ARHGAP32: variants seen among roughly 807,000 people sequenced by gnomAD.
The protein encoded by ARHGAP32 is Rho GTPase activating protein 32, also known as rho GTPase-activating protein 32.
In ARHGAP32, 51 loss-of-function variants were observed where a neutral mutation model predicts 186.5. That is an observed-to-expected ratio of 0.27 (90% CI 0.22 to 0.35). ARHGAP32 has a LOEUF of 0.35. Among genes scored for constraint, ARHGAP32 ranks in the 10% least tolerant of loss-of-function variants. The pLI, the probability that ARHGAP32 is intolerant of heterozygous loss-of-function variation, is 1.00. For missense variants in ARHGAP32, 2,186 were observed against 2,623.5 expected (o/e 0.83, Z 3.64); for synonymous variants, 950 against 964.3 (o/e 0.99, Z 0.27).
At chr11:129,198,608 T>C (rs528118348) in intron 1 of ARHGAP32, among the ~76,000 whole-genome samples, 5 of 152,014 alleles carry the variant, frequency 3.3e-5, no homozygotes, top group South Asian at 4.2e-4. Flanking sequence ...TCTTCCTTCA[T>C]CTTCTGCCGT....
intron 2 of ARHGAP32, among the ~76,000 whole-genome samples, chr11:129,159,586 T>G (rs1943486097): frequency 6.6e-6 from 1 of 151,094 alleles, no homozygotes; most frequent in Non-Finnish European, 1.5e-5. Flanking sequence ...ATAGCCTACC[T>G]ACCAAAAAAA....
intron 6 of ARHGAP32, among the ~76,000 whole-genome samples, chr11:129,092,294 A>G (rs1482188795): frequency 6.6e-6 from 1 of 151,958 alleles, no homozygotes; most frequent in Non-Finnish European, 1.5e-5. Context: ...GCATTCTCGA[A>G]GCATATGGAA....
chr11:129,085,389 C>T (rs1941356380), intron 6 of ARHGAP32, among the ~76,000 whole-genome samples: 1 of 152,048 alleles, frequency 6.6e-6, no homozygotes, highest in Non-Finnish European at 1.5e-5. Flanking sequence ...ACTACACAGA[C>T]AGCTATATAT....
chr11:129,034,169 T>C (rs1040917926), intron 11 of ARHGAP32, among the ~76,000 whole-genome samples: 1 of 152,150 alleles, frequency 6.6e-6, no homozygotes, highest in African/African-American at 2.4e-5. Flanking sequence ...GACCTCCAAT[T>C]TTTGTTCCCC....
intron 9 of ARHGAP32, among the ~76,000 whole-genome samples, chr11:129,063,250 A>G (rs1940574668): frequency 6.6e-6 from 1 of 152,162 alleles, no homozygotes; most frequent in Non-Finnish European, 1.5e-5. Flanking sequence ...TCTGTACAGA[A>G]CCTAAAAGTT....
At chr11:129,070,457 C>T (rs970478816) in intron 6 of ARHGAP32, among the ~76,000 whole-genome samples, 1 of 151,968 alleles carries the variant, frequency 6.6e-6, no homozygotes, top group African/African-American at 2.4e-5. Flanking sequence ...AATGCCTCCA[C>T]TAATAAAGAC....
chr11:129,179,274 C>T (rs990914686), intron 1 of ARHGAP32, among the ~76,000 whole-genome samples: 68 of 152,270 alleles, frequency 4.5e-4, no homozygotes, highest in Admixed American at 6.5e-4. Context: ...GAATGGCAAT[C>T]ATTAAAAAGT....
chr11:129,111,377 G>A (rs1851683575), intron 5 of ARHGAP32, among the ~76,000 whole-genome samples: 1 of 152,130 alleles, frequency 6.6e-6, no homozygotes, highest in African/African-American at 2.4e-5. Context: ...TTGATCTGTA[G>A]TTTTCGGATT....
chr11:129,007,142 C>T (rs1314800886), intron 11 of ARHGAP32, among the ~76,000 whole-genome samples: 1 of 152,060 alleles, frequency 6.6e-6, no homozygotes, highest in East Asian at 1.9e-4. Flanking sequence ...CCCCTCTGGC[C>T]CAGGGCGGGT....
At chr11:129,213,747 C>G (rs1243489349) in intron 1 of ARHGAP32, among the ~76,000 whole-genome samples, 1 of 151,970 alleles carries the variant, frequency 6.6e-6, no homozygotes. Flanking sequence ...TAAAACACTT[C>G]AAATAGACAC....
intron 11 of ARHGAP32, among the ~76,000 whole-genome samples, chr11:129,038,808 G>C (rs966962024): frequency 2.0e-5 from 3 of 147,716 alleles, no homozygotes; most frequent in African/African-American, 5.1e-5. Context: ...GATCATTTGA[G>C]GCCTGGAGTT....
At chr11:129,147,537 T>C (rs1943191722) in intron 2 of ARHGAP32, among the ~76,000 whole-genome samples, 1 of 152,196 alleles carries the variant, frequency 6.6e-6, no homozygotes, top group Non-Finnish European at 1.5e-5. Flanking sequence ...GGATTTTGTT[T>C]GTCTTTTGAT....
chr11:129,240,017 C>A (rs1482775316), intron 1 of ARHGAP32, among the ~76,000 whole-genome samples: 2 of 152,112 alleles, frequency 1.3e-5, no homozygotes, highest in African/African-American at 4.8e-5. Flanking sequence ...TGCGCAGTGA[C>A]AAATTAAATA....
intron 1 of ARHGAP32, among the ~76,000 whole-genome samples, chr11:129,201,863 GA>G (rs1944459334): frequency 3.9e-5 from 6 of 151,996 alleles, no homozygotes; most frequent in Non-Finnish European, 7.4e-5. Context: ...CACATCTGTA[GA>G]CCCAGCTACT....
intron 5 of ARHGAP32, among the ~76,000 whole-genome samples, chr11:129,098,632 G>C (rs779859820): frequency 1.3e-5 from 2 of 151,962 alleles, no homozygotes; most frequent in Non-Finnish European, 2.9e-5. Context: ...TGTTAGCCAG[G>C]ATGGTCTTGA....
chr11:129,200,749 T>C (rs1037513117), intron 1 of ARHGAP32, among the ~76,000 whole-genome samples: 6 of 152,086 alleles, frequency 3.9e-5, no homozygotes, highest in Admixed American at 2.6e-4. Context: ...ATAGAAACAA[T>C]GCATATAATG....
At position 128,970,444 on chromosome 11, in the gene ARHGAP32, G is replaced by C; in HGVS notation, c.4769C>G (p.Pro1590Arg). Residue 1590 changes from proline (P) to arginine (R), a missense_variant, in exon 23 of 23, where the codon CCG becomes CGG. Coordinates refer to ENST00000682385, the MANE Select transcript of ARHGAP32 (RefSeq NM_001378024.1). This position sits in a 1 kb window ranked among gnomAD's most constrained non-coding sequence, Gnocchi z 5.8. ...CTGCACTCTCCGGATGGTAGGGTAC[G>C]GTGGAATGTCTTCGGGGTAACAGGT... ...RNTCYPEDIP[P>R]YPTIRRVQSL... The C allele has an allele frequency of 6.2e-7, 1 of 1,614,166 alleles. No individual in the cohort carries two copies. Among genetic ancestry groups the C allele is most frequent in the Non-Finnish European group, 8.5e-7 (1 of 1,180,040 alleles).
intron 3 of ARHGAP32, among the ~76,000 whole-genome samples, chr11:129,124,356 G>A (rs1942607516): frequency 6.6e-6 from 1 of 152,092 alleles, no homozygotes; most frequent in East Asian, 1.9e-4. Flanking sequence ...ACATTTTGGA[G>A]CACTTTGGAT....
chr11:129,139,356 T>TCAA (rs945325821), intron 2 of ARHGAP32, among the ~76,000 whole-genome samples: 1 of 152,210 alleles, frequency 6.6e-6, no homozygotes, highest in Admixed American at 6.5e-5. Flanking sequence ...TCATTTAACA[T>TCAA]CAACAACAAC....
Sources: allele counts gnomAD v4.1 joint callset (sites outside exome capture counted in the v4.1 genomes callset), GRCh38; gene constraint gnomAD v4.1.1; non-coding constraint Gnocchi (gnomAD v3.1); transcripts MANE v1.5; gene names NCBI Gene and HGNC (gene_info 2026-07-23, HGNC 2026-07-21).